The following CACNG2 variants were observed in gnomAD, a reference collection of about 807,000 sequenced individuals.
The protein encoded by CACNG2 is calcium voltage-gated channel auxiliary subunit gamma 2.
CACNG2 carries 3 observed loss-of-function variants against 25.9 expected under a neutral mutation model. The observed-to-expected ratio is 0.12, with a 90% CI of 0.05 to 0.30. CACNG2 has a LOEUF of 0.30. Ranked by LOEUF, CACNG2 falls within the 10% of genes least tolerant of loss-of-function variation. The probability of loss-of-function intolerance (pLI) is 1.00; values close to 1 mark genes in which losing one functional copy is unlikely to be tolerated. For synonymous variants in CACNG2, 167 were observed against 173.3 expected (o/e 0.96, Z 0.29); for missense variants, 341 against 432.5 (o/e 0.79, Z 1.88).
chr22:36,587,478 T>C lies in CACNG2; in HGVS notation c.282A>G (p.Ala94=). ...PEDADYEADT[A]EYFLRAVRAS... is the part of the protein sequence containing the mutation. ...GTGTGCACTCACGGAGGAAATATTC[T>C]GCTGTGTCAGCTTCGTAATCTGCAT... Residue 94 remains alanine (A), a synonymous_variant, in exon 2 of 4, where the codon GCA becomes GCG. Transcript: ENST00000300105. 1 of 1,612,278 alleles carries C rather than the reference T, an allele frequency of 6.2e-7. No individual in the cohort carries two copies. The highest frequency in any genetic ancestry group is 8.5e-7 in the Non-Finnish European group (1 of 1,178,238).
intron 2 of CACNG2, among the ~76,000 whole-genome samples, chr22:36,568,931 G>A (rs1461598050): frequency 6.6e-6 from 1 of 152,022 alleles, no homozygotes; most frequent in Non-Finnish European, 1.5e-5. Context: ...TCCTTCTCTT[G>A]GGCGGGATGG....
intron 2 of CACNG2, among the ~76,000 whole-genome samples, chr22:36,579,144 C>T (rs1165698877): frequency 6.6e-6 from 1 of 152,136 alleles, no homozygotes; most frequent in Non-Finnish European, 1.5e-5. Context: ...ATAGCTCACA[C>T]CTGTAATCCC....
chr22:36,661,966 CTTTTTTTTTTTTT>C (rs71193254), intron 1 of CACNG2, among the ~76,000 whole-genome samples: 870 of 44,592 alleles, frequency 0.02, 23 homozygotes, highest in Middle Eastern at 0.038. Context: ...CATTGCTATT[CTTTTTTTTTTTTT>C]TTTTTTTTTT....
At chr22:36,657,435 G>T (rs1234912860) in intron 1 of CACNG2, among the ~76,000 whole-genome samples, 1 of 152,168 alleles carries the variant, frequency 6.6e-6, no homozygotes, top group Admixed American at 6.5e-5. Flanking sequence ...TCCCATGTCA[G>T]ATAGAGGGGC....
intron 1 of CACNG2, among the ~76,000 whole-genome samples, chr22:36,602,944 G>C (rs1277147234): frequency 6.6e-6 from 1 of 152,044 alleles, no homozygotes; most frequent in Non-Finnish European, 1.5e-5. Context: ...GCCTCTAAGA[G>C]TTCAAGTGAA....
intron 1 of CACNG2, among the ~76,000 whole-genome samples, chr22:36,692,975 G>A (rs557221444): frequency 2.6e-5 from 4 of 152,262 alleles, no homozygotes; most frequent in African/African-American, 7.2e-5. Flanking sequence ...GCAAAACCCC[G>A]TCTCTACTAA....
chr22:36,702,686 T>C lies in CACNG2; in HGVS notation c.-110A>G. 1.1e-5 allele frequency: 8 copies of C among 760,742 alleles called. No homozygotes were observed. The South Asian group carries it at 1.2e-4, about 12-fold the overall frequency. The allele number at this position is 760,742 out of a possible 1,614,324, so 47.1% of individuals were successfully genotyped here. On this transcript the variant is annotated 5_prime_UTR_variant, in exon 1 of 4. Transcript: ENST00000300105. ...TAAATAAAAATAAAAATTATTCCAC[T>C]ACTAATATAATGGATATATGTATGA...
intron 1 of CACNG2, among the ~76,000 whole-genome samples, chr22:36,663,728 C>T (rs1936834091): frequency 6.6e-6 from 1 of 152,198 alleles, no homozygotes; most frequent in Admixed American, 6.5e-5. Context: ...CTGCCTGGTA[C>T]TGTTCAGAGT....
intron 1 of CACNG2, among the ~76,000 whole-genome samples, chr22:36,667,504 G>A (rs1936891148): frequency 6.6e-6 from 1 of 152,210 alleles, no homozygotes. Context: ...GAACCTCAGT[G>A]AGTAGCTGCT....
At chr22:36,696,556 G>T (rs898917623) in intron 1 of CACNG2, among the ~76,000 whole-genome samples, 3 of 152,214 alleles carry the variant, frequency 2.0e-5, no homozygotes, top group African/African-American at 7.2e-5. Context: ...TTGACTTCTT[G>T]CACTGTCATG....
intron 1 of CACNG2, among the ~76,000 whole-genome samples, chr22:36,692,244 C>A (rs1244527578): frequency 6.6e-6 from 1 of 152,200 alleles, no homozygotes; most frequent in Non-Finnish European, 1.5e-5. Context: ...CACCTGGGAT[C>A]TTGTACCTGA....
At chr22:36,693,653 C>T (rs1937294952) in intron 1 of CACNG2, among the ~76,000 whole-genome samples, 1 of 152,172 alleles carries the variant, frequency 6.6e-6, no homozygotes, top group Non-Finnish European at 1.5e-5. Context: ...GCCTTCCAGC[C>T]TCACCCCTTT....
chr22:36,649,350 G>A (rs542058722), intron 1 of CACNG2, among the ~76,000 whole-genome samples: 6 of 152,066 alleles, frequency 3.9e-5, no homozygotes, highest in South Asian at 2.1e-4. Flanking sequence ...GGAGTACGGC[G>A]GTGTGATCTC....
intron 1 of CACNG2, among the ~76,000 whole-genome samples, chr22:36,697,275 G>A (rs1197012082): frequency 6.6e-6 from 1 of 152,190 alleles, no homozygotes; most frequent in Non-Finnish European, 1.5e-5. Flanking sequence ...GGGTATGCAG[G>A]GGAGTCACTG....
chr22:36,572,562 C>T (rs1306251057), intron 2 of CACNG2, among the ~76,000 whole-genome samples: 4 of 152,052 alleles, frequency 2.6e-5, no homozygotes, highest in Non-Finnish European at 2.9e-5. Flanking sequence ...ATTAGCCCGG[C>T]GTGGTGGCGC....
chr22:36,653,180 C>T (rs981799081), intron 1 of CACNG2, among the ~76,000 whole-genome samples: 8 of 152,090 alleles, frequency 5.3e-5, no homozygotes, highest in Admixed American at 6.5e-5. Flanking sequence ...AAATATTAGC[C>T]GGGCATGGTG....
chr22:36,637,747 C>T (rs893595966), intron 1 of CACNG2, among the ~76,000 whole-genome samples: 6 of 152,110 alleles, frequency 3.9e-5, no homozygotes, highest in African/African-American at 7.2e-5. Context: ...TGGCCAGGTG[C>T]GGTGGCTCAC....
At chr22:36,639,634 C>G (rs946752698) in intron 1 of CACNG2, among the ~76,000 whole-genome samples, 1 of 152,208 alleles carries the variant, frequency 6.6e-6, no homozygotes, top group African/African-American at 2.4e-5. Flanking sequence ...TCCATGTAAG[C>G]CTGTTCCTCT....
At chr22:36,577,621 G>T (rs1175758400) in intron 2 of CACNG2, among the ~76,000 whole-genome samples, 2 of 146,186 alleles carry the variant, frequency 1.4e-5, no homozygotes, top group Non-Finnish European at 3.0e-5. Flanking sequence ...CCGCGCTCCA[G>T]TCTGGCGACA....
Sources: allele counts gnomAD v4.1 joint callset (sites outside exome capture counted in the v4.1 genomes callset), GRCh38; gene constraint gnomAD v4.1.1; transcripts MANE v1.5; gene names NCBI Gene and HGNC (gene_info 2026-07-23, HGNC 2026-07-21).